Variants in RNLS observed in about 807,000 individuals in gnomAD.
RNLS encodes renalase.
Under a neutral mutation model 39.8 loss-of-function variants are expected in RNLS, and 39 were observed. The ratio of observed to expected loss-of-function variants is 0.98; its 90% CI spans 0.76 to 1.28. RNLS has a LOEUF of 1.28. RNLS is among the 50% of genes most tolerant of loss of function. RNLS has a pLI of 0.00. For missense variants in RNLS, 410 were observed against 413.3 expected, an observed-to-expected ratio of 0.99 and a Z score of 0.07; for synonymous variants, 147 against 150.7, an observed-to-expected ratio of 0.98 and a Z score of 0.18.
At chr10:88,422,697 G>T (rs1854479156) in intron 4 of RNLS, among the ~76,000 whole-genome samples, 1 of 151,550 alleles carries the variant, frequency 6.6e-6, no homozygotes, top group Non-Finnish European at 1.5e-5. Flanking sequence ...AACAATGGAA[G>T]AAATTATTTT....
the RNLS span, among the ~76,000 whole-genome samples, chr10:88,224,541 CTCTG>C: frequency 1.3e-5 from 2 of 152,320 alleles, no homozygotes; most frequent in South Asian, 2.1e-4. Context: ...AGAGTGGGCA[CTCTG>C]TCTGTTGGAT....
chr10:88,402,664 C>T (rs1333150085), intron 4 of RNLS, among the ~76,000 whole-genome samples: 1 of 151,822 alleles, frequency 6.6e-6, no homozygotes, highest in Non-Finnish European at 1.5e-5. Flanking sequence ...TTATATCTAG[C>T]CCAAATGATA....
chr10:88,346,281 G>A (rs1160610740), intron 5 of RNLS, among the ~76,000 whole-genome samples: 1 of 152,116 alleles, frequency 6.6e-6, no homozygotes, highest in East Asian at 1.9e-4. Context: ...CACGGTTTGT[G>A]TTACGGGGCA....
At chr10:88,285,534 T>G (rs1479137554) in intron 6 of RNLS, 28 bp from the exon 7 acceptor site, 4 of 1,586,184 alleles carry the variant, frequency 2.5e-6, no homozygotes, top group Non-Finnish European at 3.5e-6. Context: ...GGATTGCAAT[T>G]GACATTCTGT....
intron 4 of RNLS, among the ~76,000 whole-genome samples, chr10:88,569,446 C>T (rs1172283776): frequency 6.6e-6 from 1 of 152,028 alleles, no homozygotes; most frequent in Non-Finnish European, 1.5e-5. Context: ...AGGAGAGAGA[C>T]AGCAGCTGGA....
chr10:88,548,079 C>T (rs374691006), intron 4 of RNLS, among the ~76,000 whole-genome samples: 102 of 149,446 alleles, frequency 6.8e-4, no homozygotes, highest in African/African-American at 2.4e-3. Context: ...CTGGGGAACG[C>T]GGTGAAACCC....
intron 4 of RNLS, among the ~76,000 whole-genome samples, chr10:88,380,962 C>CTAT (rs1349751051): frequency 6.6e-6 from 1 of 152,102 alleles, no homozygotes; most frequent in Non-Finnish European, 1.5e-5. Flanking sequence ...AAATATATGT[C>CTAT]TATTTCTAGA....
chr10:88,364,004 G>GGAAAATGGGACAA (rs1849843897), intron 4 of RNLS, among the ~76,000 whole-genome samples: 1 of 152,076 alleles, frequency 6.6e-6, no homozygotes, highest in Non-Finnish European at 1.5e-5. Flanking sequence ...AAAATACTTA[G>GGAAAATGGGACAA]GAAAATGGGA....
intron 6 of RNLS, among the ~76,000 whole-genome samples, chr10:88,295,255 C>A (rs1280552045): frequency 6.6e-6 from 1 of 152,074 alleles, no homozygotes; most frequent in Non-Finnish European, 1.5e-5. Context: ...CTGATTATAC[C>A]ATTTAATCTA....
At chr10:88,179,838 AC>A in the RNLS span, among the ~76,000 whole-genome samples, 2 of 152,246 alleles carry the variant, frequency 1.3e-5, no homozygotes, top group East Asian at 3.8e-4. Flanking sequence ...TATTAAATCC[AC>A]ATTTGGAGAC....
intron 4 of RNLS, among the ~76,000 whole-genome samples, chr10:88,563,302 T>C (rs1305755177): frequency 6.6e-6 from 1 of 152,164 alleles, no homozygotes; most frequent in Non-Finnish European, 1.5e-5. Flanking sequence ...TCAACATAAC[T>C]GTTTCCATAG....
chr10:88,302,283 AATAACCAAAAGAGCTTGATTTTATT>A (rs1844587403), intron 6 of RNLS, among the ~76,000 whole-genome samples: 1 of 152,242 alleles, frequency 6.6e-6, no homozygotes, highest in African/African-American at 2.4e-5. Flanking sequence ...ATAGTGACAG[AATAACCAAAAGAGCTTGATTTTATT>A]ATGGAAAAGA....
At chr10:88,558,258 A>G (rs1446280600) in intron 4 of RNLS, among the ~76,000 whole-genome samples, 1 of 152,016 alleles carries the variant, frequency 6.6e-6, no homozygotes, top group African/African-American at 2.4e-5. Context: ...TGGTTCTACC[A>G]CTCAACAGCT....
intron 4 of RNLS, among the ~76,000 whole-genome samples, chr10:88,384,687 T>A (rs888215209): frequency 6.6e-5 from 10 of 152,218 alleles, no homozygotes; most frequent in Non-Finnish European, 1.0e-4. Context: ...AAGTTCATTT[T>A]TAGTAAAGAG....
chr10:88,479,169 T>C (rs1208025780), intron 4 of RNLS, among the ~76,000 whole-genome samples: 1 of 152,216 alleles, frequency 6.6e-6, no homozygotes, highest in Non-Finnish European at 1.5e-5. Flanking sequence ...TGAAAACATA[T>C]TAAGCATATA....
At chr10:88,447,602 CA>C (rs1372941102) in intron 4 of RNLS, among the ~76,000 whole-genome samples, 1 of 152,190 alleles carries the variant, frequency 6.6e-6, no homozygotes, top group Non-Finnish European at 1.5e-5. Flanking sequence ...TTTATAGACT[CA>C]ATGCCATCCC....
intron 4 of RNLS, among the ~76,000 whole-genome samples, chr10:88,511,435 T>C (rs1372360043): frequency 6.6e-6 from 1 of 152,130 alleles, no homozygotes; most frequent in African/African-American, 2.4e-5. Context: ...TTATCTTGTA[T>C]AAGTTCAGTA....
intron 4 of RNLS, among the ~76,000 whole-genome samples, chr10:88,458,837 T>C (rs933484334): frequency 6.6e-6 from 1 of 152,170 alleles, no homozygotes; most frequent in Non-Finnish European, 1.5e-5. Context: ...ATATTTTAGA[T>C]GTGAACCTCT....
chr10:88,570,633 T>C (rs993935854), intron 4 of RNLS, among the ~76,000 whole-genome samples: 2 of 152,228 alleles, frequency 1.3e-5, no homozygotes, highest in Admixed American at 1.3e-4. Flanking sequence ...TCCCTAGCCA[T>C]GAGGTGGGAA....
Sources: allele counts gnomAD v4.1 joint callset (sites outside exome capture counted in the v4.1 genomes callset), GRCh38; gene constraint gnomAD v4.1.1; transcripts MANE v1.5; gene names NCBI Gene and HGNC (gene_info 2026-07-23, HGNC 2026-07-21).